Variants in BBOX1 observed in about 807,000 individuals in gnomAD.
BBOX1 encodes gamma-butyrobetaine hydroxylase 1.
BBOX1 carries 35 observed loss-of-function variants against 41.6 expected under a neutral mutation model. The ratio of observed to expected loss-of-function variants is 0.84; its 90% confidence interval spans 0.64 to 1.11. BBOX1 has a LOEUF of 1.11. BBOX1 is among the 50% of genes most tolerant of loss of function. The probability of loss-of-function intolerance (pLI) is 0.00; values close to 1 mark genes in which losing one functional copy is unlikely to be tolerated. For missense variants in BBOX1, 458 were observed against 460.6 expected, an observed-to-expected ratio of 0.99 and a Z score of 0.05; for synonymous variants, 163 against 154.7, an observed-to-expected ratio of 1.05 and a Z score of -0.40.
chr11:27,119,779 T>G lies in BBOX1; in HGVS notation c.770T>G (p.Val257Gly), dbSNP rs758640086. ...TTCCAGATTTTGTCCTCTACCTTTG[T>G]GGACTTTACAGACATTGGAGTGGAT... Reference protein sequence around the residue: ...QAFQILSSTFVDFTDIGVDYC... With the variant: ...QAFQILSSTFGDFTDIGVDYC... Residue 257 changes from valine to glycine, a missense_variant, in exon 7 of 9, where the codon GTG (valine) becomes GGG (glycine). By Grantham distance (109) the Val-to-Gly change is moderately radical. Coordinates refer to ENST00000263182, the MANE Select transcript of BBOX1 (RefSeq NM_003986.3). 7 of 1,601,450 alleles carry G rather than the reference T, an allele frequency of 4.4e-6. 1 individual carries two copies. The Admixed American group carries it at 1.2e-4, about 28-fold the overall frequency.
At chr11:27,126,991 G>A (rs759008790) in intron 8 of BBOX1, among the ~76,000 whole-genome samples, 5 of 152,136 alleles carry the variant, frequency 3.3e-5, no homozygotes, top group Non-Finnish European at 7.3e-5. Context: ...CATTTCTAAT[G>A]AGGTATCGAT....
chr11:27,061,917 T>C (rs768707385), intron 4 of BBOX1, among the ~76,000 whole-genome samples: 11 of 152,206 alleles, frequency 7.2e-5, no homozygotes, highest in Non-Finnish European at 1.6e-4. Context: ...TTAAAAGACA[T>C]AGATTCTCTC....
At chr11:27,059,617 C>T (rs541790900) in intron 4 of BBOX1, among the ~76,000 whole-genome samples, 1 of 152,292 alleles carries the variant, frequency 6.6e-6, no homozygotes, top group East Asian at 1.9e-4. Context: ...ACTCAACGAC[C>T]TGTGACAGCA....
intron 1 of BBOX1, 93 bp from the exon 2 acceptor site, chr11:27,041,123 T>C (rs888621017): frequency 5.3e-5 from 8 of 151,966 alleles, no homozygotes; most frequent in Admixed American, 2.0e-4. Flanking sequence ...GAACCAACAG[T>C]ACTCAAAGTA....
Position 27,043,124 on chromosome 11 carries a change from C to T in BBOX1, c.-39+1646C>T, listed in dbSNP as rs1388398452. ...TGTCGCCCAGGCTGGAGTGCAGTGGCGCGATCTCGGCTCACTGCAAGCTCC... is the reference window on the plus strand; with the variant it reads ...TGTCGCCCAGGCTGGAGTGCAGTGGTGCGATCTCGGCTCACTGCAAGCTCC... On this transcript the variant is annotated intron_variant, in intron 2 of 8. Transcript: ENST00000263182. Among the ~76,000 whole-genome samples the T allele has an allele frequency of 2.6e-5, 4 of 151,808 alleles. No individual in the cohort carries two copies. The East Asian group carries it at 5.8e-4, about 22-fold the overall frequency.
intron 7 of BBOX1, among the ~76,000 whole-genome samples, chr11:27,123,127 A>G (rs936571712): frequency 5.3e-5 from 8 of 152,080 alleles, no homozygotes; most frequent in African/African-American, 1.9e-4. Flanking sequence ...CCATTCCCCT[A>G]TTATTGCTGA....
chr11:27,123,984 AT>A (rs774786547), intron 7 of BBOX1, among the ~76,000 whole-genome samples: 1 of 152,200 alleles, frequency 6.6e-6, no homozygotes, highest in Non-Finnish European at 1.5e-5. Flanking sequence ...GCCTTACCCA[AT>A]AAGCAAAGAA....
Position 27,057,298 on chromosome 11 carries a change from G to C in BBOX1, c.317G>C (p.Arg106Thr). Residue 106 changes from arginine to threonine, a missense_variant, in exon 4 of 9, where the codon AGA (arginine) becomes ACA (threonine). Coordinates refer to ENST00000263182, the MANE Select transcript of BBOX1 (RefSeq NM_003986.3). ...FSKQARAKLQRELFFPECQYW... is the reference protein window; with the variant it reads ...FSKQARAKLQTELFFPECQYW... ...AAGCAGGCCAGAGCAAAGCTCCAAA[G>C]AGAATTGTTTTTTCCAGGTAACTTT... 2 of 1,611,002 alleles carry C rather than the reference G, an allele frequency of 1.2e-6. No homozygotes were observed. The highest frequency in any genetic ancestry group is 1.7e-6 in the Non-Finnish European group (2 of 1,178,902).
At chr11:27,082,869 G>A (rs951481357) in intron 4 of BBOX1, among the ~76,000 whole-genome samples, 1 of 151,984 alleles carries the variant, frequency 6.6e-6, no homozygotes, top group South Asian at 2.1e-4. Flanking sequence ...CCAGTCATAA[G>A]CGTGAGTATA....
At chr11:27,082,073 G>A (rs550136718) in intron 4 of BBOX1, among the ~76,000 whole-genome samples, 238 of 152,136 alleles carry the variant, frequency 1.6e-3, no homozygotes, top group African/African-American at 5.4e-3. Context: ...CAGATTTCTT[G>A]AGAACTCACT....
Position 27,124,561 on chromosome 11 carries a change from A to T in BBOX1, c.837-1093A>T, listed in dbSNP as rs376811139. ...GAGACAGAGTCATATTCTGTTTTCC[A>T]TGCTGGAGTGTCGTGGTGCGATCTC... is the stretch of plus-strand genomic sequence containing the variant. On this transcript the variant is annotated intron_variant, in intron 7 of 8. Coordinates refer to ENST00000263182, the MANE Select transcript of BBOX1 (RefSeq NM_003986.3). 4.7e-4 allele frequency among the ~76,000 whole-genome samples: 72 copies of T among 152,272 alleles called. No homozygotes were observed. In the South Asian group the frequency reaches 0.011, roughly 22 times the overall value.
intron 5 of BBOX1, among the ~76,000 whole-genome samples, chr11:27,098,807 G>A (rs1250879710): frequency 1.3e-5 from 2 of 151,970 alleles, no homozygotes; most frequent in Non-Finnish European, 2.9e-5. Context: ...GAAGGGTACA[G>A]TGTCATTTTA....
At chr11:27,119,580 T>C in intron 6 of BBOX1, 69 bp from the exon 7 acceptor site, 1 of 888,384 alleles carries the variant, frequency 1.1e-6, no homozygotes, top group Non-Finnish European at 1.5e-6. Flanking sequence ...TTTATTTTAT[T>C]GAAGATTAAT....
At chr11:27,062,090 A>C (rs903008321) in intron 4 of BBOX1, among the ~76,000 whole-genome samples, 4 of 152,234 alleles carry the variant, frequency 2.6e-5, no homozygotes, top group African/African-American at 9.6e-5. Flanking sequence ...GTAATACTTG[A>C]GTTGCACTTT....
chr11:27,046,605 T>C (rs1377986199), intron 2 of BBOX1, among the ~76,000 whole-genome samples: 1 of 152,148 alleles, frequency 6.6e-6, no homozygotes, highest in East Asian at 1.9e-4. Flanking sequence ...TAAATTACAA[T>C]TGTAAGAAGA....
chr11:27,096,672 T>G (rs1246601131), intron 5 of BBOX1, among the ~76,000 whole-genome samples: 2 of 152,016 alleles, frequency 1.3e-5, no homozygotes, highest in African/African-American at 4.8e-5. Flanking sequence ...TTTTGGTTCT[T>G]GGCTGTCATC....
intron 7 of BBOX1, among the ~76,000 whole-genome samples, chr11:27,120,292 C>T (rs1010358645): frequency 7.2e-5 from 11 of 152,164 alleles, no homozygotes; most frequent in Non-Finnish European, 1.6e-4. Flanking sequence ...TCCAAGATTT[C>T]ATTTTCCTTA....
chr11:27,057,080 A>AAAAAAAAAAAAAAAAAAAAAAAAAG (rs1302365544), intron 3 of BBOX1, 121 bp from the exon 4 acceptor site: 1 of 354,780 alleles, frequency 2.8e-6, no homozygotes, highest in African/African-American at 2.2e-5. Flanking sequence ...AAAAAAAAAA[A>AAAAAAAAAAAAAAAAAAAAAAAAAG]AAAAATTAAG....
intron 4 of BBOX1, among the ~76,000 whole-genome samples, chr11:27,068,465 A>G (rs1051163007): frequency 6.6e-6 from 1 of 151,904 alleles, no homozygotes; most frequent in African/African-American, 2.4e-5. Flanking sequence ...GATTCTGGAT[A>G]TTAGTCCTTT....
Sources: allele counts gnomAD v4.1 joint callset (sites outside exome capture counted in the v4.1 genomes callset), GRCh38; gene constraint gnomAD v4.1.1; transcripts MANE v1.5; gene names NCBI Gene and HGNC (gene_info 2026-07-23, HGNC 2026-07-21).